Variants in TMEM135 observed in about 807,000 individuals in gnomAD.
The protein encoded by TMEM135 is transmembrane protein 135, also known as peroxisomal membrane protein 52.
Under a neutral mutation model 60.3 loss-of-function variants are expected in TMEM135, and 30 were observed. The observed-to-expected ratio is 0.50, with a 90% confidence interval of 0.37 to 0.68. TMEM135 has a LOEUF of 0.68. Ranked by LOEUF, TMEM135 falls within the 30% of genes least tolerant of loss-of-function variation. TMEM135 has a pLI of 0.00. For synonymous variants in TMEM135, 190 were observed against 186.7 expected (o/e 1.02, Z -0.14); for missense variants, 468 against 548.8 (o/e 0.85, Z 1.47).
chr11:87,053,980 T>C (rs1267177491), intron 1 of TMEM135, among the ~76,000 whole-genome samples: 1 of 152,228 alleles, frequency 6.6e-6, no homozygotes, highest in African/African-American at 2.4e-5. Flanking sequence ...AATAAGTATT[T>C]GTTAGTGAGC....
intron 6 of TMEM135, among the ~76,000 whole-genome samples, chr11:87,285,284 A>G (rs773060111): frequency 1.3e-5 from 2 of 152,234 alleles, no homozygotes; most frequent in Non-Finnish European, 2.9e-5. Context: ...TAAAAACAGA[A>G]TAAGAAAAAT....
chr11:87,212,530 T>C (rs74766182), intron 5 of TMEM135, among the ~76,000 whole-genome samples: 3,428 of 152,210 alleles, frequency 0.023, 58 homozygotes, highest in Middle Eastern at 0.034. Context: ...CTCACGTATA[T>C]AAATATTCTG....
intron 6 of TMEM135, among the ~76,000 whole-genome samples, chr11:87,251,512 A>G (rs1343655582): frequency 2.0e-5 from 3 of 152,166 alleles, no homozygotes; most frequent in Non-Finnish European, 2.9e-5. Flanking sequence ...CCTCATAGGT[A>G]GGGCTTTGAG....
chr11:87,070,936 T>C lies in TMEM135; in HGVS notation c.270-587T>C, dbSNP rs183162038. ...ACAGCTAACACTTTCTGAGTACTTGTTATGTGTCCTGCCTGGCTCTGGGAA... is the reference window on the plus strand; with the variant it reads ...ACAGCTAACACTTTCTGAGTACTTGCTATGTGTCCTGCCTGGCTCTGGGAA... On this transcript the variant is annotated intron_variant, in intron 2 of 14. Transcript: ENST00000305494. Among the ~76,000 whole-genome samples the C allele has an allele frequency of 1.7e-3, 257 of 152,288 alleles. 1 individual carries two copies. The highest frequency in any genetic ancestry group is 5.9e-3 in the African/African-American group (245 of 41,554).
intron 6 of TMEM135, among the ~76,000 whole-genome samples, chr11:87,282,947 C>G (rs1345571827): frequency 1.3e-5 from 2 of 152,068 alleles, no homozygotes; most frequent in African/African-American, 4.8e-5. Flanking sequence ...AGATTAAGTT[C>G]AAAATCTTTG....
intron 12 of TMEM135, 59 bp downstream of exon 12, chr11:87,314,606 CTGTTT>C: frequency 7.3e-7 from 1 of 1,375,098 alleles, no homozygotes; most frequent in South Asian, 1.2e-5. Context: ...TAGCTGCTGA[CTGTTT>C]TAGCAGCAAA....
intron 6 of TMEM135, among the ~76,000 whole-genome samples, chr11:87,242,250 A>G (rs1292217944): frequency 6.6e-6 from 1 of 151,694 alleles, no homozygotes; most frequent in Non-Finnish European, 1.5e-5. Context: ...CCAGTCTATC[A>G]TTGTCGGACA....
chr11:87,080,352 T>C lies in TMEM135; in HGVS notation c.362+8737T>C, dbSNP rs370815987. Among the ~76,000 whole-genome samples the C allele has an allele frequency of 1.2e-4, 18 of 152,190 alleles. No homozygotes were observed. The East Asian group carries it at 3.3e-3, about 28-fold the overall frequency. On this transcript the variant is annotated intron_variant, in intron 3 of 14. Coordinates refer to ENST00000305494, the MANE Select transcript of TMEM135 (RefSeq NM_022918.4). ...GCACTGCCTTCCCCACCCCACCAAG[T>C]TGAGATAACCAAAAATTCCTACAGG...
intron 4 of TMEM135, among the ~76,000 whole-genome samples, chr11:87,108,306 CTTTTGGTGT>C (rs1377247152): frequency 6.6e-6 from 1 of 152,094 alleles, no homozygotes; most frequent in Non-Finnish European, 1.5e-5. Context: ...GTTGCCATTG[CTTTTGGTGT>C]TTTAGACATG....
chr11:87,319,116 G>A (rs113929693), intron 13 of TMEM135, 194 bp from the exon 14 acceptor site: 50,153 of 558,004 alleles, frequency 0.09, 2,499 homozygotes, highest in South Asian at 0.1. Flanking sequence ...TAATCTGCCC[G>A]CCTCGGCCTC....
At chr11:87,137,292 G>C (rs1443868676) in intron 4 of TMEM135, among the ~76,000 whole-genome samples, 1 of 151,414 alleles carries the variant, frequency 6.6e-6, no homozygotes, top group African/African-American at 2.4e-5. Flanking sequence ...ACTGACATGA[G>C]GAATGGGAAT....
Position 87,321,993 on chromosome 11 carries a change from T to G in TMEM135, c.*660T>G, listed in dbSNP as rs528805595. 8.8e-6 allele frequency: 4 copies of G among 454,360 alleles called. No individual in the cohort carries two copies. The highest frequency in any genetic ancestry group is 1.3e-5 in the Non-Finnish European group (3 of 226,758). 28.1% of individuals were successfully genotyped at this position (454,360 alleles called of 1,614,324 possible). On this transcript the variant is annotated 3_prime_UTR_variant, in exon 15 of 15. Transcript: ENST00000305494. ...TCATCTCTCTTCATGACCAGTTAATTGGGCTATTTGGCAGCCCAGTGAACC... is the reference window on the plus strand; with the variant it reads ...TCATCTCTCTTCATGACCAGTTAATGGGGCTATTTGGCAGCCCAGTGAACC...
chr11:87,193,871 A>G (rs2135320238), intron 5 of TMEM135, among the ~76,000 whole-genome samples: 1 of 151,644 alleles, frequency 6.6e-6, no homozygotes, highest in Admixed American at 6.6e-5. Context: ...GCTAGGATAC[A>G]GTAGATACAC....
intron 1 of TMEM135, among the ~76,000 whole-genome samples, chr11:87,054,049 G>A (rs1272493801): frequency 6.6e-6 from 1 of 152,186 alleles, no homozygotes; most frequent in Non-Finnish European, 1.5e-5. Flanking sequence ...CATATGTGAG[G>A]CTCTGTCTTC....
chr11:87,321,981 T>C lies in TMEM135; in HGVS notation c.*648T>C, dbSNP rs559468116. The stretch of plus-strand genomic sequence containing the variant: ...CAACTAATAACATCATCTCTCTTCA[T>C]GACCAGTTAATTGGGCTATTTGGCA... On this transcript the variant is annotated 3_prime_UTR_variant, in exon 15 of 15. Transcript: ENST00000305494. 16 of 454,440 alleles carry C rather than the reference T, an allele frequency of 3.5e-5. No homozygotes were observed. Among genetic ancestry groups the C allele is most frequent in the African/African-American group, 3.2e-4 (16 of 50,122 alleles). 28.2% of individuals were successfully genotyped at this position (454,440 alleles called of 1,614,324 possible).
chr11:87,042,232 GGTCT>G (rs1360136414), intron 1 of TMEM135, among the ~76,000 whole-genome samples: 1 of 152,216 alleles, frequency 6.6e-6, no homozygotes, highest in Non-Finnish European at 1.5e-5. Context: ...GGGGAAGCAA[GGTCT>G]GTCTGTCTAG....
At chr11:87,086,844 G>A (rs1044180522) in intron 3 of TMEM135, among the ~76,000 whole-genome samples, 11 of 152,200 alleles carry the variant, frequency 7.2e-5, no homozygotes, top group African/African-American at 1.2e-4. Context: ...CTTTGGCTTG[G>A]AGGTAGGATT....
At chr11:87,217,885 T>A (rs1001653690) in intron 5 of TMEM135, among the ~76,000 whole-genome samples, 8 of 152,146 alleles carry the variant, frequency 5.3e-5, no homozygotes, top group African/African-American at 1.9e-4. Context: ...GACAGTGATC[T>A]TTTAGGATCA....
chr11:87,169,514 T>C (rs1050195501), intron 5 of TMEM135, among the ~76,000 whole-genome samples: 3 of 151,888 alleles, frequency 2.0e-5, no homozygotes, highest in Non-Finnish European at 4.4e-5. Context: ...CAAAATCTCT[T>C]AGCATTTGCT....
Sources: allele counts gnomAD v4.1 joint callset (sites outside exome capture counted in the v4.1 genomes callset), GRCh38; gene constraint gnomAD v4.1.1; transcripts MANE v1.5; gene names NCBI Gene and HGNC (gene_info 2026-07-23, HGNC 2026-07-21).